The following CDH12 variants were observed in gnomAD, a reference collection of about 807,000 sequenced individuals.
CDH12 encodes cadherin-12.
A neutral mutation model predicts 74.1 loss-of-function variants in CDH12; 41 were observed. That is an observed-to-expected ratio of 0.55 (90% CI 0.43 to 0.72). CDH12 has a LOEUF of 0.72. Among genes scored for constraint, CDH12 ranks in the 30% least tolerant of loss-of-function variants. The probability of loss-of-function intolerance (pLI) is 0.00; values close to 1 mark genes in which losing one functional copy is unlikely to be tolerated. For synonymous variants in CDH12, 399 were observed against 355.0 expected (o/e 1.12, Z -1.39); for missense variants, 945 against 977.2 (o/e 0.97, Z 0.44).
At chr5:21,836,198 A>G (rs1033261087) in intron 8 of CDH12, among the ~76,000 whole-genome samples, 21 of 151,812 alleles carry the variant, frequency 1.4e-4, no homozygotes, top group Admixed American at 1.4e-3. Flanking sequence ...ATGATATAAT[A>G]CAACTATGTT....
chr5:22,440,389 T>C (rs1402277367), intron 2 of CDH12, among the ~76,000 whole-genome samples: 2 of 152,228 alleles, frequency 1.3e-5, no homozygotes, highest in Middle Eastern at 3.4e-3. Flanking sequence ...TATTCAGAAT[T>C]AATAATAATA....
chr5:22,309,642 C>T (rs4502779), intron 3 of CDH12, among the ~76,000 whole-genome samples: 151,300 of 152,228 alleles, frequency 0.99, 75,202 homozygotes, highest in Middle Eastern at 1. Flanking sequence ...ATTTCCATTA[C>T]ACCATACAAT....
At chr5:22,721,944 G>A (rs1743919531) in intron 1 of CDH12, among the ~76,000 whole-genome samples, 2 of 152,084 alleles carry the variant, frequency 1.3e-5, no homozygotes, top group Non-Finnish European at 2.9e-5. Flanking sequence ...GCAGAACTGT[G>A]AGTCAATTAA....
intron 2 of CDH12, among the ~76,000 whole-genome samples, chr5:22,465,971 C>T (rs947997727): frequency 6.6e-6 from 1 of 152,202 alleles, no homozygotes; most frequent in Non-Finnish European, 1.5e-5. Context: ...AACACTTTCT[C>T]ATCACCAGCA....
At chr5:22,743,793 A>G (rs992198728) in intron 1 of CDH12, among the ~76,000 whole-genome samples, 10 of 152,204 alleles carry the variant, frequency 6.6e-5, no homozygotes, top group Admixed American at 1.3e-4. Context: ...TCCTGTTAAA[A>G]CTGTCGAAGT....
Position 22,283,245 on chromosome 5 carries a change from TATATATAC to T in CDH12, c.-332-70610_-332-70603del, listed in dbSNP as rs1561281696. On this transcript the variant is annotated intron_variant, in intron 3 of 14. Coordinates refer to ENST00000382254, the MANE Select transcript of CDH12 (RefSeq NM_004061.5). ...ATATATATATATATATATATATATATATATATACACACACACACACACACACACACATA... is the reference window on the plus strand; with the variant it reads ...ATATATATATATATATATATATATATACACACACACACACACACACACATA... 2.0e-3 allele frequency among the ~76,000 whole-genome samples: 235 copies of T among 115,118 alleles called. 3 individuals carry two copies. The highest frequency in any genetic ancestry group is 7.4e-3 in the African/African-American group (214 of 28,752). The allele number at this position is 115,118 out of a possible 152,430, so 75.5% of individuals were successfully genotyped here.
intron 1 of CDH12, among the ~76,000 whole-genome samples, chr5:22,562,300 G>A (rs1428824406): frequency 1.3e-5 from 2 of 151,880 alleles, no homozygotes; most frequent in Admixed American, 6.6e-5. Flanking sequence ...CTGGGCGACA[G>A]AGCGAGACTC....
chr5:21,968,765 G>A (rs1293547706), intron 6 of CDH12, among the ~76,000 whole-genome samples: 1 of 152,004 alleles, frequency 6.6e-6, no homozygotes. Flanking sequence ...AAGAAAATGT[G>A]GTACATATAC....
intron 6 of CDH12, among the ~76,000 whole-genome samples, chr5:21,961,680 T>C (rs1447898033): frequency 6.6e-6 from 1 of 152,102 alleles, no homozygotes; most frequent in Non-Finnish European, 1.5e-5. Flanking sequence ...AAGCACAACA[T>C]ATGAACATGA....
At chr5:22,743,298 G>A (rs112311741) in intron 1 of CDH12, among the ~76,000 whole-genome samples, 2 of 145,762 alleles carry the variant, frequency 1.4e-5, no homozygotes, top group African/African-American at 5.0e-5. Context: ...ATATGTATAT[G>A]TATATATATG....
At position 22,698,724 on chromosome 5, in the gene CDH12, T is replaced by C. The variant is rs1264143542; in HGVS notation, c.-523+154334A>G. ...ATATATATATATATATATATATATA[T>C]ATATATATATAGTGTGTGTGTGTGT... On this transcript the variant is annotated intron_variant, in intron 1 of 14. Transcript: ENST00000382254. 2.8e-3 allele frequency among the ~76,000 whole-genome samples: 49 copies of C among 17,446 alleles called. 2 individuals are homozygous for C. The highest frequency in any genetic ancestry group is 7.3e-3 in the South Asian group (3 of 412). The allele number at this position is 17,446 out of a possible 152,430, so 11.4% of individuals were successfully genotyped here.
chr5:22,722,844 T>G (rs1743968756), intron 1 of CDH12, among the ~76,000 whole-genome samples: 1 of 152,330 alleles, frequency 6.6e-6, no homozygotes, highest in Admixed American at 6.5e-5. Flanking sequence ...AAATTTGTGT[T>G]TCTGTCCATA....
chr5:22,184,962 C>T (rs1359593294), intron 4 of CDH12, among the ~76,000 whole-genome samples: 2 of 152,052 alleles, frequency 1.3e-5, no homozygotes, highest in South Asian at 2.1e-4. Context: ...GATATTAAAC[C>T]TAGTACACAT....
rs151317768 is a variant in CDH12 at position 21,879,872 on chromosome 5, G to C, written c.527-25082C>G. Reference sequence around the variant, plus strand: ...ATTCTTCAGGATCACAAGAGGATTCGGAATATTAAAGTCATGGATTCAATT... The same window carrying C: ...ATTCTTCAGGATCACAAGAGGATTCCGAATATTAAAGTCATGGATTCAATT... On this transcript the variant is annotated intron_variant, in intron 6 of 14. Transcript: ENST00000382254. 1.8e-4 allele frequency among the ~76,000 whole-genome samples: 27 copies of C among 152,242 alleles called. No individual in the cohort carries two copies. The East Asian group carries it at 3.7e-3, about 21-fold the overall frequency.
intron 1 of CDH12, among the ~76,000 whole-genome samples, chr5:22,827,632 T>A (rs1217390500): frequency 6.6e-6 from 1 of 152,208 alleles, no homozygotes; most frequent in Non-Finnish European, 1.5e-5. Flanking sequence ...GTTGACAACA[T>A]CTTGCCTTTC....
chr5:21,851,127 A>G (rs1353582750), intron 7 of CDH12, among the ~76,000 whole-genome samples: 3 of 151,202 alleles, frequency 2.0e-5, no homozygotes, highest in African/African-American at 7.3e-5. Context: ...TGTGTTCTCA[A>G]GTAGAGCTCA....
intron 1 of CDH12, among the ~76,000 whole-genome samples, chr5:22,657,719 TA>T (rs1740124864): frequency 6.6e-6 from 1 of 152,140 alleles, no homozygotes; most frequent in Non-Finnish European, 1.5e-5. Context: ...TCCCAAAGTA[TA>T]AACTCACGTG....
chr5:22,665,038 T>C (rs557414075), intron 1 of CDH12, among the ~76,000 whole-genome samples: 242 of 152,324 alleles, frequency 1.6e-3, no homozygotes, highest in African/African-American at 5.6e-3. Context: ...TACTATGGTC[T>C]CAAACTCCTG....
intron 4 of CDH12, chr5:22,143,398 C>T (rs1580316114): frequency 7.7e-6 from 1 of 129,056 alleles, no homozygotes; most frequent in South Asian, 2.5e-4. Context: ...GAGATGGAGT[C>T]TCACTCTGTT....
Sources: gnomAD v4.1 joint callset for allele counts (sites outside exome capture counted in the v4.1 genomes callset) on GRCh38, gnomAD v4.1.1 for gene constraint, MANE v1.5 for transcripts, NCBI Gene and HGNC (gene_info 2026-07-23, HGNC 2026-07-21) for gene names.